The following SPG11 variants were observed in gnomAD, a reference collection of about 807,000 sequenced individuals.
The protein encoded by SPG11 is spatacsin.
A neutral mutation model predicts 274.0 loss-of-function variants in SPG11; 222 were observed. That is an observed-to-expected ratio of 0.81 (90% CI 0.73 to 0.91). The LOEUF (loss-of-function observed/expected upper bound fraction) is 0.91. Among genes scored for constraint, SPG11 ranks in the 40% least tolerant of loss-of-function variants. The pLI is 0.00. For synonymous variants in SPG11, 1,144 were observed against 1,039.7 expected, an observed-to-expected ratio of 1.10 and a Z score of -1.93; for missense variants, 3,114 against 2,872.7, an observed-to-expected ratio of 1.08 and a Z score of -1.92.
chr15:44,629,282 T>C lies in SPG11; in HGVS notation c.1842A>G (p.Thr614=), dbSNP rs780988833. The stretch of plus-strand genomic sequence containing the variant: ...TTATTTGGTTGTTAAGGAAAGACAG[T>C]GTAAGATTAAGCAATTGTTCTGAAA... ...KHFSEQLLNL[T]LSFLNNQIKE... Residue 614 remains threonine (T), a synonymous_variant, in exon 9 of 40, where the codon ACA becomes ACG. Transcript: ENST00000261866. 1 of 1,614,016 alleles carries C rather than the reference T, an allele frequency of 6.2e-7. No individual in the cohort carries two copies. The highest frequency in any genetic ancestry group is 1.7e-5 in the Admixed American group (1 of 59,996).
intron 7 of SPG11, among the ~76,000 whole-genome samples, chr15:44,637,519 A>G (rs1008976654): frequency 5.3e-5 from 8 of 152,122 alleles, no homozygotes; most frequent in Non-Finnish European, 1.2e-4. Context: ...TTGGCATGTT[A>G]GCCAGGCTTG....
At chr15:44,589,156 A>T in intron 28 of SPG11, 96 bp downstream of exon 28, 1 of 1,248,282 alleles carries the variant, frequency 8.0e-7, no homozygotes, top group Non-Finnish European at 1.2e-6. Context: ...AGTTAATGTT[A>T]CATGCATTTT....
intron 10 of SPG11, among the ~76,000 whole-genome samples, chr15:44,627,516 A>G (rs2083936539): frequency 6.6e-6 from 1 of 152,176 alleles, no homozygotes; most frequent in South Asian, 2.1e-4. Flanking sequence ...GCAGAACATT[A>G]AAGGAGGGAA....
intron 28 of SPG11, among the ~76,000 whole-genome samples, chr15:44,586,320 G>C (rs553760528): frequency 6.6e-6 from 1 of 152,252 alleles, no homozygotes; most frequent in Non-Finnish European, 1.5e-5. Flanking sequence ...GGTAAAGTCT[G>C]ACTGAACTTG....
chr15:44,629,912 A>C (rs1353073647), intron 8 of SPG11, among the ~76,000 whole-genome samples: 4 of 152,198 alleles, frequency 2.6e-5, no homozygotes, highest in Non-Finnish European at 1.5e-5. Flanking sequence ...CTCTACTAAA[A>C]ATACAAAAAT....
In SPG11 at chr15:44,600,529, T is replaced by A. The variant is rs758399866; in HGVS notation, c.3624A>T (p.Pro1208=). ...NFAYYLHNGR[P]SFAFGTFLVQ... ...CCAGAAAAGTACCAAATGCAAATGA[T>A]GGCCGCCCATTATGTAAATAATAAG... is the stretch of plus-strand genomic sequence containing the variant. Residue 1208 remains proline (P), a synonymous_variant, in exon 21 of 40, where the codon CCA becomes CCT. Transcript: ENST00000261866. 1.2e-6 allele frequency: 2 copies of A among 1,614,070 alleles called. No individual in the cohort carries two copies. The highest frequency in any genetic ancestry group is 1.7e-6 in the Non-Finnish European group (2 of 1,180,036).
At chr15:44,663,248 C>CT (rs2085171125) in intron 1 of SPG11, 143 bp downstream of exon 1, 1 of 1,163,664 alleles carries the variant, frequency 8.6e-7, no homozygotes, top group South Asian at 1.4e-5. Context: ...CCACGCTCGC[C>CT]TCTGGGGCGT....
At chr15:44,633,374 A>G in intron 8 of SPG11, 131 bp downstream of exon 8, 1 of 402,148 alleles carries the variant, frequency 2.5e-6, no homozygotes, top group Non-Finnish European at 4.3e-6. Flanking sequence ...AAAGTTTCCA[A>G]AAAGTACGTA....
chr15:44,614,898 C>T (rs116288948), intron 16 of SPG11, among the ~76,000 whole-genome samples: 1,896 of 152,292 alleles, frequency 0.012, 47 homozygotes, highest in African/African-American at 0.044. Flanking sequence ...CAGACAGATA[C>T]TAATGTATTG....
At chr15:44,660,937 G>A (rs1257758516) in intron 1 of SPG11, among the ~76,000 whole-genome samples, 3 of 152,062 alleles carry the variant, frequency 2.0e-5, no homozygotes, top group African/African-American at 7.2e-5. Context: ...TCAAGGGTAG[G>A]TATCAACAAC....
chr15:44,565,519 T>G (rs980474090), intron 38 of SPG11, among the ~76,000 whole-genome samples: 1 of 152,196 alleles, frequency 6.6e-6, no homozygotes, highest in African/African-American at 2.4e-5. Context: ...GCTTGCCCAG[T>G]GCTCACTTGC....
chr15:44,660,564 G>A lies in SPG11; in HGVS notation c.310C>T (p.Leu104=). ...NSSTPTEKPK[L]LALGENYELL... ...TCATAATTTTCACCAAGAGCGAGCAGTTTGGGCTTTTCAGTTGGTGTGCTG... is the reference window on the plus strand; with the variant it reads ...TCATAATTTTCACCAAGAGCGAGCAATTTGGGCTTTTCAGTTGGTGTGCTG... Residue 104 remains leucine (L), a synonymous_variant, in exon 2 of 40, where the codon CTG becomes TTG. Coordinates refer to ENST00000261866, the MANE Select transcript of SPG11 (RefSeq NM_025137.4). The A allele has an allele frequency of 1.2e-6, 2 of 1,614,178 alleles. No homozygotes were observed. Among genetic ancestry groups the A allele is most frequent in the Non-Finnish European group, 1.7e-6 (2 of 1,180,030 alleles).
Position 44,573,661 on chromosome 15 carries a change from G to T in SPG11, c.6091C>A (p.Arg2031=), listed in dbSNP as rs147713329. 4 of 1,614,158 alleles carry T rather than the reference G, an allele frequency of 2.5e-6. No homozygotes were observed. Among genetic ancestry groups the T allele is most frequent in the Admixed American group, 1.7e-5 (1 of 60,022 alleles). ...ATGAAGGCCTGGGCTCGTTTGCATC[G>T]GTCAGGCTGCTGAGAGGCCAAGATT... is the stretch of plus-strand genomic sequence containing the variant. The part of the protein sequence containing the change: ...RKILASQQPD[R]CKRAQAFIST... Residue 2031 remains arginine, a synonymous_variant, in exon 32 of 40, where the codon CGA becomes AGA. Coordinates refer to ENST00000261866, the MANE Select transcript of SPG11 (RefSeq NM_025137.4).
chr15:44,604,460 G>T (rs1440834212), intron 20 of SPG11, among the ~76,000 whole-genome samples: 2 of 152,212 alleles, frequency 1.3e-5, no homozygotes, highest in South Asian at 2.1e-4. Flanking sequence ...TTTTTAGCAC[G>T]TTGGGGCTTA....
rs34479385 is a variant in SPG11 at position 44,587,693 on chromosome 15, C to CAA, written c.4906+1557_4906+1558dup. Among the ~76,000 whole-genome samples the CAA allele has an allele frequency of 6.0e-3, 206 of 34,050 alleles. 40 individuals carry two copies. The East Asian group carries it at 0.061, about 10-fold the overall frequency. 22.3% of individuals were successfully genotyped at this position (34,050 alleles called of 152,430 possible). ...CTTGGGCAACAGAGCCAGACTGTCT[C>CAA]AAAAAAAAAAAAAAAAAAAAAAAAA... On this transcript the variant is annotated intron_variant, in intron 28 of 39. Coordinates refer to ENST00000261866, the MANE Select transcript of SPG11 (RefSeq NM_025137.4).
chr15:44,569,206 C>T (rs563627673), intron 35 of SPG11, among the ~76,000 whole-genome samples, 192 bp downstream of exon 35: 8 of 151,804 alleles, frequency 5.3e-5, no homozygotes, highest in Admixed American at 4.6e-4. Context: ...TATATGGCAT[C>T]AGCATATTCA....
rs1032246775 is a variant in SPG11, at chr15:44,652,234, A to G, written c.902T>C (p.Ile301Thr). 6.2e-7 allele frequency: 1 copy of G among 1,614,102 alleles called. No individual in the cohort carries two copies. Reference sequence around the variant, plus strand: ...TCCTTGAATAGGAAGATCTTCTAGTATTCTTTCACACAGTAGGTGTCCTGG... The same window carrying G: ...TCCTTGAATAGGAAGATCTTCTAGTGTTCTTTCACACAGTAGGTGTCCTGG... ...QHPGHLLCER[I>T]LEDLPIQGPK... The change falls in exon 5 of 40, where the codon ATA (isoleucine) becomes ACA (threonine). Residue 301 changes from isoleucine to threonine, a missense_variant. By Grantham distance (89) the Ile-to-Thr change is moderately conservative (BLOSUM62 -1). Transcript: ENST00000261866.
rs561712176 is a variant in SPG11, at chr15:44,660,374, A to C, written c.442+58T>G. ...CTCTATGACTTTTCCTGAAGTATGT[A>C]ACTACATGGTAATGTCACAAATTTA... On this transcript the variant is annotated intron_variant, in intron 2 of 39. Coordinates refer to ENST00000261866, the MANE Select transcript of SPG11 (RefSeq NM_025137.4). 8.0e-6 allele frequency: 12 copies of C among 1,505,660 alleles called. No homozygotes were observed. In the East Asian group the frequency reaches 2.7e-4, roughly 34 times the overall value. The allele number at this position is 1,505,660 out of a possible 1,614,324, so 93.3% of individuals were successfully genotyped here.
At chr15:44,587,858 A>ATCTG in intron 28 of SPG11, among the ~76,000 whole-genome samples, 1 of 152,158 alleles carries the variant, frequency 6.6e-6, no homozygotes, top group East Asian at 1.9e-4. Context: ...TTATTCAAAG[A>ATCTG]TAGATTATGG....
Sources: allele counts gnomAD v4.1 joint callset (sites outside exome capture counted in the v4.1 genomes callset), GRCh38; gene constraint gnomAD v4.1.1; transcripts MANE v1.5; gene names NCBI Gene and HGNC (gene_info 2026-07-23, HGNC 2026-07-21).